NSL1: variants seen among roughly 807,000 people sequenced by gnomAD.
The protein encoded by NSL1 is kinetochore-associated protein NSL1 homolog.
A neutral mutation model predicts 25.4 loss-of-function variants in NSL1; 11 were observed. The ratio of observed to expected loss-of-function variants is 0.43; its 90% CI spans 0.27 to 0.72. The LOEUF (loss-of-function observed/expected upper bound fraction) is 0.72. Ranked by LOEUF, NSL1 falls within the 30% of genes least tolerant of loss-of-function variation. NSL1 has a pLI of 0.19. For missense variants in NSL1, 330 were observed against 342.7 expected, an observed-to-expected ratio of 0.96 and a Z score of 0.29; for synonymous variants, 118 against 120.6, an observed-to-expected ratio of 0.98 and a Z score of 0.14.
At position 212,733,761 on chromosome 1, in the gene NSL1, C is replaced by CA. The variant is rs1379923242; in HGVS notation, c.*4646dup. 6.6e-6 allele frequency among the ~76,000 whole-genome samples: 1 copy of CA among 152,182 alleles called. No homozygotes were observed. Among genetic ancestry groups the CA allele is most frequent in the African/African-American group, 2.4e-5 (1 of 41,428 alleles). Reference sequence around the variant, plus strand: ...TTCATGAAAGTTCAACCTGCTGCTACAAACATTTGTGTGTAAGTTATTGTG... The same window carrying CA: ...TTCATGAAAGTTCAACCTGCTGCTACAAAACATTTGTGTGTAAGTTATTGTG... On this transcript the variant is annotated 3_prime_UTR_variant, in exon 6 of 6. Transcript: ENST00000366977.
Position 212,733,433 on chromosome 1 carries a change from C to CAAAAAAAAAAAAAAAAA in NSL1, c.*4958_*4974dup, listed in dbSNP as rs140675222. Among the ~76,000 whole-genome samples, 1 of 135,900 alleles carries CAAAAAAAAAAAAAAAAA rather than the reference C, an allele frequency of 7.4e-6. No homozygotes were observed. The highest frequency in any genetic ancestry group is 2.7e-5 in the African/African-American group (1 of 37,216). The allele number at this position is 135,900 out of a possible 152,430, so 89.2% of individuals were successfully genotyped here. A position where few individuals can be genotyped will look rare whatever the true frequency, so the allele number is the denominator to read the frequency against. On this transcript the variant is annotated 3_prime_UTR_variant, in exon 6 of 6. Transcript: ENST00000366977. The stretch of plus-strand genomic sequence containing the variant: ...GGCAACACAGCAAGACCTTGTTTCA[C>CAAAAAAAAAAAAAAAAA]AAAAAAAAAAAAAAAAAAATCCCAT...
At chr1:212,770,286 T>A (rs1169142039) in intron 4 of NSL1, among the ~76,000 whole-genome samples, 3 of 152,006 alleles carry the variant, frequency 2.0e-5, no homozygotes, top group African/African-American at 7.2e-5. Context: ...ATGAAACTGA[T>A]AAATGGCTAG....
intron 4 of NSL1, among the ~76,000 whole-genome samples, chr1:212,766,855 A>G (rs2102376658): frequency 6.6e-6 from 1 of 152,234 alleles, no homozygotes; most frequent in Middle Eastern, 3.4e-3. Context: ...CAAACAAACA[A>G]ACAAAAACTT....
chr1:212,755,665 C>T (rs1469845725), intron 4 of NSL1, among the ~76,000 whole-genome samples: 2 of 151,806 alleles, frequency 1.3e-5, no homozygotes, highest in African/African-American at 2.4e-5. Flanking sequence ...ACACAGCAAA[C>T]TGATAATAGT....
At chr1:212,750,449 G>A (rs1162012013) in intron 4 of NSL1, among the ~76,000 whole-genome samples, 1 of 152,118 alleles carries the variant, frequency 6.6e-6, no homozygotes, top group Non-Finnish European at 1.5e-5. Context: ...GATGATGAAA[G>A]GAACAGGCAG....
At chr1:212,770,493 C>CA (rs142897735) in intron 4 of NSL1, among the ~76,000 whole-genome samples, 4,034 of 151,436 alleles carry the variant, frequency 0.027, 132 homozygotes, top group African/African-American at 0.072. Flanking sequence ...AACAAACAAA[C>CA]AAAAAAACCA....
intron 3 of NSL1, 176 bp downstream of exon 3, chr1:212,784,187 A>ATAG: frequency 4.8e-6 from 2 of 414,902 alleles, no homozygotes; most frequent in African/African-American, 2.0e-5. Context: ...TAGTATGACT[A>ATAG]TACTATGTCA....
At chr1:212,778,648 G>A (rs1185712080) in intron 4 of NSL1, among the ~76,000 whole-genome samples, 6 of 152,166 alleles carry the variant, frequency 3.9e-5, no homozygotes, top group Non-Finnish European at 2.9e-5. Flanking sequence ...TGATCTGCCA[G>A]CCTCGGCCTC....
At position 212,787,704 on chromosome 1, in the gene NSL1, CA is replaced by C. The variant is rs1661002360; in HGVS notation, c.235-68del. 1.2e-5 allele frequency: 12 copies of C among 968,740 alleles called. 1 individual carries two copies. The Middle Eastern group carries it at 1.7e-3, about 141-fold the overall frequency. The allele number at this position is 968,740 out of a possible 1,614,324, so 60.0% of individuals were successfully genotyped here. On this transcript the variant is annotated intron_variant, in intron 1 of 5. Transcript: ENST00000366977. Reference sequence around the variant, plus strand: ...TAAATACTAAATTCAAACGTTTTAGCAAAATAATACTTCCAGATTTGTGACA... The same window carrying C: ...TAAATACTAAATTCAAACGTTTTAGCAAATAATACTTCCAGATTTGTGACA...
At chr1:212,771,089 G>A (rs1054287750) in intron 4 of NSL1, among the ~76,000 whole-genome samples, 8 of 152,128 alleles carry the variant, frequency 5.3e-5, no homozygotes, top group African/African-American at 9.7e-5. Flanking sequence ...TGAGGCAGGC[G>A]GATCACCTGA....
rs1657922828 is a variant in NSL1, at chr1:212,729,546, T to C, written c.*8862A>G. The C allele has an allele frequency of 2.0e-6, 2 of 985,274 alleles. No homozygotes were observed. Among genetic ancestry groups the C allele is most frequent in the Admixed American group, 6.2e-5 (1 of 16,260 alleles). The allele number at this position is 985,274 out of a possible 1,614,324, so 61.0% of individuals were successfully genotyped here. ...CAGGGGTGCCCTACAACTTTGCCCATTTTTATTATTCTGCCAGTGTCATCC... is the reference window on the plus strand; with the variant it reads ...CAGGGGTGCCCTACAACTTTGCCCACTTTTATTATTCTGCCAGTGTCATCC... On this transcript the variant is annotated 3_prime_UTR_variant, in exon 6 of 6. Transcript: ENST00000366977.
intron 4 of NSL1, among the ~76,000 whole-genome samples, chr1:212,778,875 A>G (rs1293085165): frequency 3.8e-5 from 5 of 132,162 alleles, no homozygotes; most frequent in Non-Finnish European, 6.4e-5. Flanking sequence ...CTGGGATGTG[A>G]GGAGCCCCTC....
intron 4 of NSL1, among the ~76,000 whole-genome samples, chr1:212,772,257 C>T (rs1221525135): frequency 6.6e-6 from 1 of 152,156 alleles, no homozygotes; most frequent in African/African-American, 2.4e-5. Flanking sequence ...ATCCCTTGTG[C>T]ACAAATCAGA....
chr1:212,785,871 A>G (rs1660919918), intron 2 of NSL1, among the ~76,000 whole-genome samples: 1 of 152,182 alleles, frequency 6.6e-6, no homozygotes, highest in Non-Finnish European at 1.5e-5. Flanking sequence ...TCTGAAACAT[A>G]ATTTTTGAAA....
At chr1:212,754,503 G>A (rs1041998132) in intron 4 of NSL1, among the ~76,000 whole-genome samples, 6 of 152,040 alleles carry the variant, frequency 3.9e-5, no homozygotes, top group South Asian at 2.1e-4. Flanking sequence ...CCAGCCCGGC[G>A]CGGTGGCTCA....
chr1:212,753,714 T>C (rs1659169055), intron 4 of NSL1, among the ~76,000 whole-genome samples: 1 of 152,136 alleles, frequency 6.6e-6, no homozygotes, highest in Admixed American at 6.6e-5. Flanking sequence ...TGCTGCTATA[T>C]GCTGGCTATA....
chr1:212,736,787 A>C lies in NSL1; in HGVS notation c.*1621T>G. The C allele has an allele frequency of 1.0e-6, 1 of 985,162 alleles. No individual in the cohort carries two copies. The highest frequency in any genetic ancestry group is 5.2e-4 in the Middle Eastern group (1 of 1,914). 61.0% of individuals were successfully genotyped at this position (985,162 alleles called of 1,614,324 possible). On this transcript the variant is annotated 3_prime_UTR_variant, in exon 6 of 6. Coordinates refer to ENST00000366977, the MANE Select transcript of NSL1 (RefSeq NM_015471.4). ...AACAGGATTTTTGTCACATTTCCTT[A>C]ATCGATTCCTTGTTTCTCTGCTGAA...
intron 4 of NSL1, among the ~76,000 whole-genome samples, chr1:212,757,137 G>A (rs1239479704): frequency 6.6e-6 from 1 of 152,138 alleles, no homozygotes; most frequent in Non-Finnish European, 1.5e-5. Flanking sequence ...GAAAGTCGTA[G>A]GGCCAGTGTG....
intron 4 of NSL1, among the ~76,000 whole-genome samples, chr1:212,765,077 A>G (rs1406860197): frequency 6.6e-6 from 1 of 152,014 alleles, no homozygotes; most frequent in Non-Finnish European, 1.5e-5. Context: ...AAGCAGTGAG[A>G]CTGAATCAGC....
Sources: gnomAD v4.1 joint callset for allele counts (sites outside exome capture counted in the v4.1 genomes callset) on GRCh38, gnomAD v4.1.1 for gene constraint, MANE v1.5 for transcripts, NCBI Gene and HGNC (gene_info 2026-07-23, HGNC 2026-07-21) for gene names.